Variants in PLEKHA7 observed in about 807,000 individuals in gnomAD.
PLEKHA7 encodes pleckstrin homology domain containing A7, also known as pleckstrin homology domain-containing family A member 7.
A neutral mutation model predicts 170.0 loss-of-function variants in PLEKHA7; 104 were observed. That is an observed-to-expected ratio of 0.61 (90% CI 0.52 to 0.72). The LOEUF (loss-of-function observed/expected upper bound fraction) is 0.72. Ranked by LOEUF, PLEKHA7 falls within the 30% of genes least tolerant of loss-of-function variation. The probability of loss-of-function intolerance (pLI) is 0.00; values close to 1 mark genes in which losing one functional copy is unlikely to be tolerated. For missense variants in PLEKHA7, 1,615 were observed against 1,671.7 expected, an observed-to-expected ratio of 0.97 and a Z score of 0.59; for synonymous variants, 648 against 660.8, an observed-to-expected ratio of 0.98 and a Z score of 0.30.
intron 3 of PLEKHA7, among the ~76,000 whole-genome samples, chr11:16,879,442 A>T (rs1855546487): frequency 6.6e-6 from 1 of 152,202 alleles, no homozygotes; most frequent in Non-Finnish European, 1.5e-5. Context: ...CCTCAAAGAT[A>T]CGGGGAGGCA....
chr11:16,900,211 A>G (rs1393536333), intron 3 of PLEKHA7, among the ~76,000 whole-genome samples: 1 of 152,214 alleles, frequency 6.6e-6, no homozygotes, highest in Admixed American at 6.5e-5. Flanking sequence ...AGGCTCTCAC[A>G]GGCTGTAAAT....
chr11:16,984,817 A>G (rs886956491), intron 3 of PLEKHA7, among the ~76,000 whole-genome samples: 1 of 152,228 alleles, frequency 6.6e-6, no homozygotes, highest in Non-Finnish European at 1.5e-5. Flanking sequence ...TAGGCACTCA[A>G]TAAATATTCA....
intron 3 of PLEKHA7, among the ~76,000 whole-genome samples, chr11:16,989,926 C>T (rs1190232471): frequency 6.6e-6 from 1 of 152,060 alleles, no homozygotes; most frequent in Non-Finnish European, 1.5e-5. Flanking sequence ...CAGCACCATC[C>T]CCCAAACCTG....
chr11:16,871,366 A>G (rs999900041), intron 3 of PLEKHA7, among the ~76,000 whole-genome samples, 184 bp from the exon 4 acceptor site: 3 of 152,092 alleles, frequency 2.0e-5, no homozygotes, highest in Non-Finnish European at 2.9e-5. Flanking sequence ...AAAGCCCAAG[A>G]ATTTCCAGCT....
At chr11:16,963,389 C>G (rs1380834604) in intron 3 of PLEKHA7, among the ~76,000 whole-genome samples, 2 of 152,118 alleles carry the variant, frequency 1.3e-5, no homozygotes, top group South Asian at 2.1e-4. Context: ...TCAGCCACCC[C>G]CTGGATTCTA....
intron 3 of PLEKHA7, among the ~76,000 whole-genome samples, chr11:16,880,606 C>T (rs1855637617): frequency 6.6e-6 from 1 of 152,178 alleles, no homozygotes; most frequent in Non-Finnish European, 1.5e-5. Flanking sequence ...AGGCACAGCA[C>T]CCAGCCTCCT....
chr11:16,785,851 C>A (rs1490980972), intron 24 of PLEKHA7, among the ~76,000 whole-genome samples: 5 of 152,206 alleles, frequency 3.3e-5, no homozygotes, highest in African/African-American at 7.2e-5. Flanking sequence ...GAAAAGCCAA[C>A]CCCTGGTGTT....
intron 10 of PLEKHA7, among the ~76,000 whole-genome samples, chr11:16,821,301 C>T (rs750383026): frequency 1.3e-5 from 2 of 152,220 alleles, no homozygotes; most frequent in Non-Finnish European, 2.9e-5. Flanking sequence ...CTAACTCTAT[C>T]CCTCACCCCA....
In PLEKHA7 at chr11:17,014,376, T is replaced by C. The variant is rs1037277652; in HGVS notation, c.26A>G (p.Asp9Gly). 1 of 1,291,116 alleles carries C rather than the reference T, an allele frequency of 7.7e-7. No individual in the cohort carries two copies. The highest frequency in any genetic ancestry group is 2.8e-5 in the Admixed American group (1 of 35,098). 80.0% of individuals were successfully genotyped at this position (1,291,116 alleles called of 1,614,324 possible). The change falls in exon 1 of 27, where the codon GAC becomes GGC. Residue 9 changes from aspartate to glycine, a missense_variant. By Grantham distance (94) the Asp-to-Gly change is moderately conservative. Coordinates refer to ENST00000531066, the MANE Select transcript of PLEKHA7 (RefSeq NM_001329630.2). MAAATVGR[D>G]TLPEHWSYGV... ...GTAGGACCAATGCTCAGGTAAAGTG[T>C]CCCGCCCGACCGTCGCCGCCGCCAT... is the stretch of plus-strand genomic sequence containing the variant.
intron 8 of PLEKHA7, among the ~76,000 whole-genome samples, chr11:16,844,370 T>C (rs904381029): frequency 1.3e-5 from 2 of 152,226 alleles, no homozygotes; most frequent in African/African-American, 4.8e-5. Context: ...TGCTCTTGAC[T>C]CTGAAGAGCA....
intron 3 of PLEKHA7, among the ~76,000 whole-genome samples, chr11:17,012,564 T>C (rs1195372442): frequency 3.9e-5 from 6 of 152,234 alleles, no homozygotes; most frequent in African/African-American, 1.4e-4. Context: ...TTTAACTTTC[T>C]GCACAGTAGT....
chr11:16,794,947 C>G lies in PLEKHA7; in HGVS notation c.2481G>C (p.Glu827Asp). ...DVTAGLSANK[E>D]NFRILVESVK... ...CTGACTCCACTAGAATTCTGAAGTT[C>G]TCTTTATTTGCACTCAGGCCTGCAG... Residue 827 changes from glutamate to aspartate, a missense_variant, in exon 18 of 27, where the codon GAG becomes GAC. Glu to Asp is a conservative substitution (Grantham distance 45). Coordinates refer to ENST00000531066, the MANE Select transcript of PLEKHA7 (RefSeq NM_001329630.2). The G allele has an allele frequency of 6.2e-7, 1 of 1,613,098 alleles. No homozygotes were observed. The highest frequency in any genetic ancestry group is 8.5e-7 in the Non-Finnish European group (1 of 1,179,568).
intron 3 of PLEKHA7, among the ~76,000 whole-genome samples, chr11:16,883,196 G>C (rs1855838341): frequency 1.3e-5 from 2 of 152,166 alleles, no homozygotes; most frequent in Non-Finnish European, 2.9e-5. Context: ...TTTGGAGGTA[G>C]AGAAACCACA....
At chr11:16,918,239 C>T (rs1412788076) in intron 3 of PLEKHA7, among the ~76,000 whole-genome samples, 2 of 152,198 alleles carry the variant, frequency 1.3e-5, no homozygotes, top group Non-Finnish European at 2.9e-5. Flanking sequence ...ATAAATACTG[C>T]ACATTCTTTA....
chr11:16,913,625 T>A (rs1858419612), intron 3 of PLEKHA7, among the ~76,000 whole-genome samples: 1 of 152,202 alleles, frequency 6.6e-6, no homozygotes, highest in Non-Finnish European at 1.5e-5. Context: ...AGATGAGATT[T>A]AGGTTAGATT....
At chr11:17,001,293 G>C (rs1403414632) in intron 3 of PLEKHA7, among the ~76,000 whole-genome samples, 1 of 152,150 alleles carries the variant, frequency 6.6e-6, no homozygotes, top group East Asian at 1.9e-4. Flanking sequence ...TCTGGTGACT[G>C]AACAGATAAT....
chr11:16,780,636 A>T (rs1200838453), intron 26 of PLEKHA7, among the ~76,000 whole-genome samples: 1 of 152,232 alleles, frequency 6.6e-6, no homozygotes, highest in Non-Finnish European at 1.5e-5. Flanking sequence ...GTTCTCGGGC[A>T]TCAGGGTGCC....
intron 5 of PLEKHA7, 63 bp from the exon 6 acceptor site, chr11:16,855,056 T>TA: frequency 3.5e-6 from 5 of 1,418,578 alleles, no homozygotes; most frequent in Non-Finnish European, 5.0e-6. Context: ...AAAGCACTTG[T>TA]ATGTTAGGAG....
chr11:16,857,708 ATTTG>A (rs112185316), intron 4 of PLEKHA7, among the ~76,000 whole-genome samples: 135 of 152,090 alleles, frequency 8.9e-4, no homozygotes, highest in African/African-American at 1.2e-3. Flanking sequence ...ATTTGTTTGA[ATTTG>A]TTTGTTTGTT....
Sources: allele counts gnomAD v4.1 joint callset (sites outside exome capture counted in the v4.1 genomes callset), GRCh38; gene constraint gnomAD v4.1.1; transcripts MANE v1.5; gene names NCBI Gene and HGNC (gene_info 2026-07-23, HGNC 2026-07-21).